Variants in LINS1 observed in about 807,000 individuals in gnomAD.
LINS1 encodes protein Lines homolog 1.
A neutral mutation model predicts 41.6 loss-of-function variants in LINS1; 27 were observed. The observed-to-expected ratio is 0.65, with a 90% CI of 0.48 to 0.89. The LOEUF (loss-of-function observed/expected upper bound fraction) is 0.89, where lower values mean the gene tolerates loss of function less well. LINS1 is among the 40% of genes least tolerant of loss of function. The pLI is 0.00. For missense variants in LINS1, 955 were observed against 884.1 expected (o/e 1.08, Z -1.02); for synonymous variants, 336 against 312.9 (o/e 1.07, Z -0.78).
intron 1 of LINS1, among the ~76,000 whole-genome samples, chr15:100,594,671 T>C (rs964981783): frequency 2.0e-5 from 3 of 152,222 alleles, no homozygotes; most frequent in Non-Finnish European, 2.9e-5. Flanking sequence ...ATGTAAATAT[T>C]TGTTACACTG....
intron 1 of LINS1, among the ~76,000 whole-genome samples, chr15:100,601,234 G>A (rs914749602): frequency 1.3e-4 from 20 of 152,040 alleles, no homozygotes; most frequent in African/African-American, 4.6e-4. Flanking sequence ...CCTAAAACTC[G>A]GTAATTTATA....
In LINS1 at chr15:100,602,121, C is replaced by T. The variant is rs2039531092; in HGVS notation, c.-104G>A. 1 of 152,394 alleles carries T rather than the reference C, an allele frequency of 6.6e-6. No individual in the cohort carries two copies. The highest frequency in any genetic ancestry group is 1.5e-5 in the Non-Finnish European group (1 of 68,168). 9.4% of individuals were successfully genotyped at this position (152,394 alleles called of 1,614,324 possible). On this transcript the variant is annotated splice_region_variant and 5_prime_UTR_variant, in exon 1 of 7. Coordinates refer to ENST00000314742, the MANE Select transcript of LINS1 (RefSeq NM_001040616.3). ...ACGGCGGCCGGTCCCGGTTACCTGC[C>T]TGGGATCTGGCTCAGGCGAACTCTC...
chr15:100,581,100 A>G (rs1445982625), intron 1 of LINS1, among the ~76,000 whole-genome samples, 155 bp from the exon 2 acceptor site: 2 of 152,246 alleles, frequency 1.3e-5, no homozygotes, highest in East Asian at 3.8e-4. Context: ...ACATTATTTC[A>G]AGACCGTAAC....
intron 3 of LINS1, among the ~76,000 whole-genome samples, chr15:100,575,353 A>G (rs1216408462): frequency 6.6e-6 from 1 of 152,178 alleles, no homozygotes; most frequent in East Asian, 1.9e-4. Flanking sequence ...TGGAAAACAA[A>G]AAAAGGCAGG....
chr15:100,574,489 CT>C (rs993241212), intron 4 of LINS1, among the ~76,000 whole-genome samples: 88 of 152,342 alleles, frequency 5.8e-4, no homozygotes, highest in African/African-American at 2.1e-3. Flanking sequence ...GGGTGGATCA[CT>C]TGAGGTCAGG....
intron 1 of LINS1, among the ~76,000 whole-genome samples, chr15:100,588,346 T>C (rs1481256167): frequency 6.6e-5 from 10 of 152,262 alleles, no homozygotes; most frequent in Non-Finnish European, 1.2e-4. Context: ...AGGGAATGAA[T>C]CCTTTATCTT....
Position 100,569,168 on chromosome 15 carries a change from T to A in LINS1, c.*70A>T. The stretch of plus-strand genomic sequence containing the variant: ...AAACCCTTTTATGGTGATGATTTTA[T>A]ACTATTACCTCATTGAGACATAATT... On this transcript the variant is annotated 3_prime_UTR_variant, in exon 7 of 7. Coordinates refer to ENST00000314742, the MANE Select transcript of LINS1 (RefSeq NM_001040616.3). The A allele has an allele frequency of 2.0e-6, 2 of 1,015,670 alleles. No individual in the cohort carries two copies. The highest frequency in any genetic ancestry group is 3.0e-6 in the Non-Finnish European group (2 of 669,042). The allele number at this position is 1,015,670 out of a possible 1,614,324, so 62.9% of individuals were successfully genotyped here. A position where few individuals can be genotyped will look rare whatever the true frequency, so the allele number is the denominator to read the frequency against.
In LINS1 at chr15:100,573,917, G is replaced by A; in HGVS notation, c.956C>T (p.Ser319Phe). Residue 319 changes from serine (S) to phenylalanine (F), a missense_variant, in exon 5 of 7, where the codon TCT becomes TTT. By Grantham distance (155) the Ser-to-Phe change is radical (BLOSUM62 -2). Coordinates refer to ENST00000314742, the MANE Select transcript of LINS1 (RefSeq NM_001040616.3). ...GTCTGGCGGCATTAAGGCAGGCACA[G>A]ATCCACGACAGAGGTCTTCACCCAC... ...CKVGEDLCRG[S>F]VPALMPPDHH... 1 of 1,614,242 alleles carries A rather than the reference G, an allele frequency of 6.2e-7. No homozygotes were observed. The highest frequency in any genetic ancestry group is 8.5e-7 in the Non-Finnish European group (1 of 1,180,036).
chr15:100,587,871 G>C (rs956522570), intron 1 of LINS1, among the ~76,000 whole-genome samples: 1 of 152,192 alleles, frequency 6.6e-6, no homozygotes, highest in Non-Finnish European at 1.5e-5. Flanking sequence ...GAAGCTATTT[G>C]TGAATATTCT....
rs1875719 is a variant in LINS1 at position 100,567,757 on chromosome 15, G to T, written c.*1481C>A. 6.6e-6 allele frequency: 1 copy of T among 151,952 alleles called. No individual in the cohort carries two copies. The highest frequency in any genetic ancestry group is 1.5e-5 in the Non-Finnish European group (1 of 68,010). The allele number at this position is 151,952 out of a possible 1,614,324, so 9.4% of individuals were successfully genotyped here. The stretch of plus-strand genomic sequence containing the variant: ...AACTGCCTTAACGCATAGCCTCACC[G>T]ACAGCATGTTAAAACGCAAACCTTT... On this transcript the variant is annotated 3_prime_UTR_variant, in exon 7 of 7. Transcript: ENST00000314742.
intron 1 of LINS1, among the ~76,000 whole-genome samples, chr15:100,597,523 T>A (rs2039300360): frequency 6.6e-6 from 1 of 152,236 alleles, no homozygotes; most frequent in Non-Finnish European, 1.5e-5. Context: ...GATTTATTGA[T>A]GAGGAATCTC....
At chr15:100,581,754 G>C (rs565831345) in intron 1 of LINS1, among the ~76,000 whole-genome samples, 1 of 152,228 alleles carries the variant, frequency 6.6e-6, no homozygotes, top group African/African-American at 2.4e-5. Context: ...AATAATTCTT[G>C]TCCACAGATC....
At chr15:100,600,024 C>G (rs1187953805) in intron 1 of LINS1, among the ~76,000 whole-genome samples, 3 of 152,140 alleles carry the variant, frequency 2.0e-5, no homozygotes, top group African/African-American at 7.2e-5. Context: ...CAAGCTCGCA[C>G]CACTGTACTC....
intron 6 of LINS1, among the ~76,000 whole-genome samples, chr15:100,571,432 T>C (rs576366430): frequency 9.2e-5 from 14 of 152,332 alleles, no homozygotes; most frequent in African/African-American, 3.4e-4. Flanking sequence ...TTAACCAATT[T>C]CAGACATTTG....
rs191669885 is a variant in LINS1 at position 100,591,617 on chromosome 15, G to A, written c.-104+10504C>T. Among the ~76,000 whole-genome samples, 459 of 151,936 alleles carry A rather than the reference G, an allele frequency of 3.0e-3. 1 individual carries two copies. Among genetic ancestry groups the A allele is most frequent in the African/African-American group, 0.011 (436 of 41,430 alleles). On this transcript the variant is annotated intron_variant, in intron 1 of 6. Coordinates refer to ENST00000314742, the MANE Select transcript of LINS1 (RefSeq NM_001040616.3). ...ACAGACTAGGTTTTGTTTTTTTTCCGCAAATCTCTAGAAAACATTCCTGGC... is the reference window on the plus strand; with the variant it reads ...ACAGACTAGGTTTTGTTTTTTTTCCACAAATCTCTAGAAAACATTCCTGGC...
At chr15:100,577,731 A>G (rs1201133878) in intron 3 of LINS1, among the ~76,000 whole-genome samples, 1 of 152,230 alleles carries the variant, frequency 6.6e-6, no homozygotes, top group African/African-American at 2.4e-5. Flanking sequence ...TCCTAAGCCA[A>G]AAGAACAAAG....
At chr15:100,575,218 A>T (rs2038094020) in intron 3 of LINS1, 90 bp from the exon 4 acceptor site, 1 of 1,166,290 alleles carries the variant, frequency 8.6e-7, no homozygotes, top group African/African-American at 1.5e-5. Flanking sequence ...ACATTTGGCC[A>T]AAAGAAGTAT....
intron 1 of LINS1, among the ~76,000 whole-genome samples, chr15:100,588,981 G>T (rs913258331): frequency 2.0e-5 from 3 of 152,180 alleles, no homozygotes; most frequent in Non-Finnish European, 2.9e-5. Flanking sequence ...TTACAGCTAG[G>T]TAGGGCCCGG....
intron 1 of LINS1, among the ~76,000 whole-genome samples, chr15:100,581,168 C>T (rs895797390): frequency 3.3e-5 from 5 of 152,150 alleles, no homozygotes; most frequent in East Asian, 1.9e-4. Context: ...TTAATTTTAA[C>T]GCAGCAGAAA....
Sources: gnomAD v4.1 joint callset for allele counts (sites outside exome capture counted in the v4.1 genomes callset) on GRCh38, gnomAD v4.1.1 for gene constraint, MANE v1.5 for transcripts, NCBI Gene and HGNC (gene_info 2026-07-23, HGNC 2026-07-21) for gene names.